Variants in FUNDC2 observed in about 807,000 individuals in gnomAD.
The protein encoded by FUNDC2 is FUN14 domain-containing protein 2.
FUNDC2 carries 4 observed loss-of-function variants against 15.6 expected under a neutral mutation model. The ratio of observed to expected loss-of-function variants is 0.26; its 90% CI spans 0.13 to 0.59. The LOEUF (loss-of-function observed/expected upper bound fraction) is 0.59, where lower values mean the gene tolerates loss of function less well. FUNDC2 is among the 20% of genes least tolerant of loss of function. The pLI is 0.90. For synonymous variants in FUNDC2, 44 were observed against 56.9 expected, an observed-to-expected ratio of 0.77 and a Z score of 1.02; for missense variants, 98 against 149.7, an observed-to-expected ratio of 0.65 and a Z score of 1.80.
Position 155,026,934 on chromosome X carries a change from T to C in FUNDC2, c.-5T>C. ...GGCCCTCCCTCTTCCGCTGCCGCCGTGGGAATGGAAACATCTGCCCCACGT... is the reference window on the plus strand; with the variant it reads ...GGCCCTCCCTCTTCCGCTGCCGCCGCGGGAATGGAAACATCTGCCCCACGT... On this transcript the variant is annotated 5_prime_UTR_variant, in exon 1 of 5. Transcript: ENST00000369498. 1 of 1,186,850 alleles carries C rather than the reference T, an allele frequency of 8.4e-7. No homozygotes were observed. Among genetic ancestry groups the C allele is most frequent in the East Asian group, 3.1e-5 (1 of 32,663 alleles).
chrX:155,036,605 T>C (rs1348910878), intron 2 of FUNDC2, among the ~76,000 whole-genome samples: 1 of 111,662 alleles, frequency 9.0e-6, no homozygotes, highest in Non-Finnish European at 1.9e-5. Context: ...CTAGATTGTA[T>C]ATAGGTTCGG....
intron 2 of FUNDC2, among the ~76,000 whole-genome samples, chrX:155,036,532 T>C (rs1160011817): frequency 8.9e-6 from 1 of 112,125 alleles, no homozygotes; most frequent in Non-Finnish European, 1.9e-5. Context: ...AGCTCCAGCT[T>C]TTGGTGTCAT....
At chrX:155,039,760 T>G (rs782376527) in intron 2 of FUNDC2, among the ~76,000 whole-genome samples, 18 of 112,206 alleles carry the variant, frequency 1.6e-4, no homozygotes, top group Non-Finnish European at 3.0e-4. Flanking sequence ...TAGTATATTT[T>G]GAGATCAGGT....
chrX:155,035,005 GTTATC>G (rs1487375527), intron 2 of FUNDC2, among the ~76,000 whole-genome samples: 8 of 111,595 alleles, frequency 7.2e-5, no homozygotes, highest in Non-Finnish European at 1.3e-4. Flanking sequence ...TCATTCTGTG[GTTATC>G]TTTTCGTTTT....
intron 3 of FUNDC2, chrX:155,049,136 C>T (rs1395428462): frequency 1.8e-5 from 2 of 112,814 alleles, no homozygotes; most frequent in Non-Finnish European, 3.7e-5. Flanking sequence ...TGCCAGTTTT[C>T]AGTTTATTCG....
chrX:155,035,893 A>C (rs1287261617), intron 2 of FUNDC2, among the ~76,000 whole-genome samples: 2 of 112,281 alleles, frequency 1.8e-5, no homozygotes, highest in Admixed American at 1.9e-4. Context: ...GATGTACCAC[A>C]ATCTGTTTCT....
chrX:155,044,704 A>G (rs1039184207), intron 2 of FUNDC2, among the ~76,000 whole-genome samples: 1 of 112,345 alleles, frequency 8.9e-6, no homozygotes, highest in Admixed American at 9.4e-5. Flanking sequence ...CAAAAAGACA[A>G]GAGATAATTG....
chrX:155,031,060 T>G (rs971733759), intron 1 of FUNDC2, among the ~76,000 whole-genome samples: 1 of 111,901 alleles, frequency 8.9e-6, no homozygotes, highest in Non-Finnish European at 1.9e-5. Flanking sequence ...ATTATTTTTT[T>G]ACAGTAAGTA....
At position 155,057,890 on chromosome X, in the gene FUNDC2, C is replaced by T. The variant is rs1415169569; in HGVS notation, c.*3218C>T. 9.0e-6 allele frequency: 1 copy of T among 111,539 alleles called. No homozygotes were observed. The highest frequency in any genetic ancestry group is 3.3e-5 in the African/African-American group (1 of 30,583). 9.2% of individuals were successfully genotyped at this position (111,539 alleles called of 1,213,427 possible). On this transcript the variant is annotated 3_prime_UTR_variant, in exon 5 of 5. Transcript: ENST00000369498. ...TTTCTGGCCGCTGCCTGCTCGGGCT[C>T]AACAGATGGAGTCCAATGTTTCAGT...
At chrX:155,032,259 A>G (rs1393986182) in intron 1 of FUNDC2, among the ~76,000 whole-genome samples, 1 of 102,734 alleles carries the variant, frequency 9.7e-6, no homozygotes, top group Non-Finnish European at 2.0e-5. Flanking sequence ...TACAGGCGTG[A>G]GCCACCACGC....
intron 1 of FUNDC2, among the ~76,000 whole-genome samples, chrX:155,028,040 C>CAGAGCAGACTGCTCTTATAGACTTATA (rs1569560143): frequency 6.0e-5 from 5 of 83,176 alleles, no homozygotes; most frequent in African/African-American, 2.8e-4. Context: ...TATTTTCCTG[C>CAGAGCAGACTGCTCTTATAGACTTATA]AGAGCAGACT....
intron 4 of FUNDC2, 43 bp from the exon 5 acceptor site, chrX:155,054,552 C>G (rs997543928): frequency 1.2e-5 from 14 of 1,205,017 alleles, no homozygotes; most frequent in Middle Eastern, 2.3e-4. Flanking sequence ...ATATTATTAA[C>G]ATCCTTAGCA....
rs190608955 is a variant in FUNDC2, at chrX:155,055,994, A to C, written c.*1322A>C. ...TCAAAACTACCAGTGGATGTGTGGA[A>C]CTTTACAGAAACCACCTATTTGCGT... On this transcript the variant is annotated 3_prime_UTR_variant, in exon 5 of 5. Transcript: ENST00000369498. 1.8e-5 allele frequency: 2 copies of C among 112,322 alleles called. No homozygotes were observed. The highest frequency in any genetic ancestry group is 3.8e-5 in the Non-Finnish European group (2 of 53,269). The allele number at this position is 112,322 out of a possible 1,213,427, so 9.3% of individuals were successfully genotyped here.
intron 4 of FUNDC2, among the ~76,000 whole-genome samples, chrX:155,052,932 G>A (rs2073883202): frequency 8.9e-6 from 1 of 112,700 alleles, no homozygotes; most frequent in Admixed American, 9.3e-5. Flanking sequence ...AGGCTGGAGT[G>A]CAGTGGCACA....
At chrX:155,047,366 C>T (rs782168792) in intron 3 of FUNDC2, 143 of 340,939 alleles carry the variant, frequency 4.2e-4, no homozygotes, top group Non-Finnish European at 3.5e-4. Context: ...TCTCTTCCCA[C>T]AGTTGGCAAC....
At position 155,054,497 on chromosome X, in the gene FUNDC2, T is replaced by C. The variant is rs966030291; in HGVS notation, c.493-98T>C. 2.6e-5 allele frequency: 31 copies of C among 1,172,030 alleles called. 1 individual carries two copies. The Admixed American group carries it at 6.6e-4, about 25-fold the overall frequency. ...GCAAATTACGTAACCGATGAGGGGATTGACATTGTTAAGACTGGCATAGGT... is the reference window on the plus strand; with the variant it reads ...GCAAATTACGTAACCGATGAGGGGACTGACATTGTTAAGACTGGCATAGGT... On this transcript the variant is annotated intron_variant, in intron 4 of 4. Coordinates refer to ENST00000369498, the MANE Select transcript of FUNDC2 (RefSeq NM_023934.4).
intron 3 of FUNDC2, 94 bp from the exon 4 acceptor site, chrX:155,051,576 A>AG: frequency 1.0e-6 from 1 of 958,872 alleles, no homozygotes; most frequent in Admixed American, 2.8e-5. Flanking sequence ...GGAAAGTCAG[A>AG]GGGTTTCGAG....
At chrX:155,042,175 CTTTTTTTTTTTTTTT>C (rs1175079092) in intron 2 of FUNDC2, among the ~76,000 whole-genome samples, 1 of 39,200 alleles carries the variant, frequency 2.6e-5, no homozygotes, top group East Asian at 9.0e-4. Flanking sequence ...CTTTTTCTAT[CTTTTTTTTTTTTTTT>C]TTTTTTTTTT....
intron 1 of FUNDC2, among the ~76,000 whole-genome samples, chrX:155,030,755 G>A (rs1158266791): frequency 2.0e-5 from 2 of 101,665 alleles, no homozygotes; most frequent in Non-Finnish European, 4.0e-5. Flanking sequence ...GTCTGATCTC[G>A]GCTCACTGCA....
Sources: allele counts gnomAD v4.1 joint callset (sites outside exome capture counted in the v4.1 genomes callset), GRCh38; gene constraint gnomAD v4.1.1; transcripts MANE v1.5; gene names NCBI Gene and HGNC (gene_info 2026-07-23, HGNC 2026-07-21).